The following SLC35F5 variants were observed in gnomAD, a reference collection of about 807,000 sequenced individuals.
The protein encoded by SLC35F5 is HCV NS5A-transactivated protein 3.
Under a neutral mutation model 68.6 loss-of-function variants are expected in SLC35F5, and 54 were observed. That is an observed-to-expected ratio of 0.79 (90% confidence interval 0.63 to 0.99). The LOEUF is 0.99. Ranked by LOEUF, SLC35F5 falls within the 50% of genes least tolerant of loss-of-function variation. SLC35F5 has a pLI of 0.00. For missense variants in SLC35F5, 567 were observed against 626.9 expected (o/e 0.90, Z 1.02); for synonymous variants, 211 against 205.2 (o/e 1.03, Z -0.24).
intron 10 of SLC35F5, among the ~76,000 whole-genome samples, chr2:113,730,740 G>C (rs765981844): frequency 6.6e-6 from 1 of 152,136 alleles, no homozygotes; most frequent in Non-Finnish European, 1.5e-5. Context: ...AGCCCAGCTA[G>C]GTTCTGATTA....
chr2:113,743,268 C>A (rs1009452900), intron 6 of SLC35F5, among the ~76,000 whole-genome samples: 1 of 152,082 alleles, frequency 6.6e-6, no homozygotes, highest in African/African-American at 2.4e-5. Flanking sequence ...TGGGCAAGCA[C>A]GCAGAACAAT....
intron 3 of SLC35F5, among the ~76,000 whole-genome samples, chr2:113,754,935 C>CT (rs1192652347): frequency 7.0e-6 from 1 of 141,994 alleles, no homozygotes; most frequent in Middle Eastern, 4.2e-3. Flanking sequence ...TGCATAGTCT[C>CT]TCTAAGTAAC....
intron 11 of SLC35F5, among the ~76,000 whole-genome samples, chr2:113,727,589 G>T (rs921562166): frequency 6.6e-6 from 1 of 152,038 alleles, no homozygotes; most frequent in African/African-American, 2.4e-5. Context: ...AGAATCTGGC[G>T]CCACATGCCT....
chr2:113,719,956 T>C (rs1363999900), intron 13 of SLC35F5, among the ~76,000 whole-genome samples: 4 of 151,890 alleles, frequency 2.6e-5, no homozygotes, highest in African/African-American at 7.3e-5. Flanking sequence ...TCATCAGTGA[T>C]GTCAACAAGT....
intron 7 of SLC35F5, among the ~76,000 whole-genome samples, chr2:113,740,320 G>A (rs1454706545): frequency 6.6e-6 from 1 of 152,122 alleles, no homozygotes; most frequent in Non-Finnish European, 1.5e-5. Flanking sequence ...GGAGGCAATA[G>A]GAAAACCCCT....
At chr2:113,751,226 T>G (rs1200970121) in intron 3 of SLC35F5, among the ~76,000 whole-genome samples, 2 of 152,138 alleles carry the variant, frequency 1.3e-5, no homozygotes, top group Non-Finnish European at 2.9e-5. Context: ...GACATATATA[T>G]GAAGAGAATA....
intron 7 of SLC35F5, among the ~76,000 whole-genome samples, chr2:113,738,722 C>T (rs931624836): frequency 7.1e-6 from 1 of 140,158 alleles, no homozygotes; most frequent in East Asian, 2.1e-4. Context: ...ATACAGTAAT[C>T]ATTAACTCCT....
chr2:113,733,476 T>C, intron 9 of SLC35F5: 1 of 268,364 alleles, frequency 3.7e-6, no homozygotes, highest in Non-Finnish European at 7.8e-6. Context: ...AAACCTCATT[T>C]ACTTCTCCAA....
rs572332193 is a variant in SLC35F5 at position 113,715,944 on chromosome 2, TA to T, written c.*23-750del. ...CCTCACTAAAAAGGAAACAAAGGGTTAAAAAAATATATTTTTTAACAGAAAT... is the reference window on the plus strand; with the variant it reads ...CCTCACTAAAAAGGAAACAAAGGGTTAAAAAATATATTTTTTAACAGAAAT... On this transcript the variant is annotated intron_variant, in intron 15 of 15. Transcript: ENST00000245680. Among the ~76,000 whole-genome samples, 1,363 of 152,214 alleles carry T rather than the reference TA, an allele frequency of 9.0e-3. 18 individuals carry two copies. Among genetic ancestry groups the T allele is most frequent in the Non-Finnish European group, 9.6e-3 (652 of 67,990 alleles).
intron 7 of SLC35F5, among the ~76,000 whole-genome samples, chr2:113,737,702 C>G (rs10206174): frequency 0.49 from 75,133 of 151,872 alleles, 19,217 homozygotes; most frequent in Middle Eastern, 0.66. Context: ...TTCAAAGGTC[C>G]CAAGAATCCT....
chr2:113,719,070 C>A, intron 14 of SLC35F5, 84 bp downstream of exon 14: 1 of 1,265,714 alleles, frequency 7.9e-7, no homozygotes, highest in Non-Finnish European at 1.1e-6. Flanking sequence ...CTCACAAAAT[C>A]TCTAAAAGCT....
At chr2:113,729,256 G>A (rs1397485838) in intron 11 of SLC35F5, 145 bp downstream of exon 11, 2 of 537,070 alleles carry the variant, frequency 3.7e-6, no homozygotes, top group African/African-American at 4.0e-5. Context: ...GAAAACATTG[G>A]GACTGGCCTT....
chr2:113,723,770 CA>C (rs1559326647), intron 12 of SLC35F5, among the ~76,000 whole-genome samples: 1 of 152,070 alleles, frequency 6.6e-6, no homozygotes, highest in East Asian at 1.9e-4. Flanking sequence ...TTGTCCTAAC[CA>C]AAAGCTAAGT....
In SLC35F5 at chr2:113,755,504, G is replaced by C. The variant is rs1314324739; in HGVS notation, c.81C>G (p.Ala27=). The C allele has an allele frequency of 6.2e-7, 1 of 1,613,908 alleles. No homozygotes were observed. Among genetic ancestry groups the C allele is most frequent in the African/African-American group, 1.3e-5 (1 of 74,882 alleles). Residue 27 remains alanine (A), a synonymous_variant, in exon 2 of 16, where the codon GCC becomes GCG. Coordinates refer to ENST00000245680, the MANE Select transcript of SLC35F5 (RefSeq NM_025181.5). ...CCTCAAGAGCAATGCCGGAAAACTT[G>C]GCAGATCTCAGTCTAAAAGGAGGTG... ...SSSPPFRLRS[A]KFSGIALEDL... is the part of the protein sequence containing the mutation.
rs578127946 is a variant in SLC35F5 at position 113,711,438 on chromosome 2, T to C, written c.*3780A>G. Among the ~76,000 whole-genome samples the C allele has an allele frequency of 2.6e-5, 4 of 152,130 alleles. No homozygotes were observed. The highest frequency in any genetic ancestry group is 4.4e-5 in the Non-Finnish European group (3 of 68,002). ...AAGGCTCTTAAGATTTAAAGAAAAA[T>C]TTCCTGTGCACATACAATGTACCTA... On this transcript the variant is annotated 3_prime_UTR_variant, in exon 16 of 16. Coordinates refer to ENST00000245680, the MANE Select transcript of SLC35F5 (RefSeq NM_025181.5).
intron 11 of SLC35F5, among the ~76,000 whole-genome samples, chr2:113,728,775 T>C (rs1284575954): frequency 6.6e-6 from 1 of 152,234 alleles, no homozygotes; most frequent in East Asian, 1.9e-4. Flanking sequence ...AAGATTATCT[T>C]GTCAATGTGT....
intron 4 of SLC35F5, among the ~76,000 whole-genome samples, chr2:113,748,104 A>C (rs1676584483): frequency 6.6e-6 from 1 of 152,124 alleles, no homozygotes; most frequent in African/African-American, 2.4e-5. Flanking sequence ...CAACAGCAAC[A>C]AAAAATGAAT....
chr2:113,754,000 T>C (rs903290395), intron 3 of SLC35F5, among the ~76,000 whole-genome samples: 3 of 152,126 alleles, frequency 2.0e-5, no homozygotes, highest in Admixed American at 2.0e-4. Context: ...GCATAAAAAC[T>C]TATATACTTG....
chr2:113,756,035 T>G, intron 1 of SLC35F5: 2 of 1,480,708 alleles, frequency 1.4e-6, no homozygotes, highest in Non-Finnish European at 9.0e-7. Flanking sequence ...TTCTCCATGC[T>G]CCTCCACCCA....
Sources: gnomAD v4.1 joint callset for allele counts (sites outside exome capture counted in the v4.1 genomes callset) on GRCh38, gnomAD v4.1.1 for gene constraint, MANE v1.5 for transcripts, NCBI Gene and HGNC (gene_info 2026-07-23, HGNC 2026-07-21) for gene names.